Variants in SEC14L3 observed in about 807,000 individuals in gnomAD.
SEC14L3 encodes the protein SEC14-like protein 3.
In SEC14L3, 56 loss-of-function variants were observed where a neutral mutation model predicts 57.4. The ratio of observed to expected loss-of-function variants is 0.97; its 90% CI spans 0.79 to 1.22. The LOEUF is 1.22. SEC14L3 is among the 50% of genes most tolerant of loss of function. SEC14L3 has a pLI of 0.00. For synonymous variants in SEC14L3, 173 were observed against 194.4 expected (o/e 0.89, Z 0.92); for missense variants, 485 against 511.7 (o/e 0.95, Z 0.50).
At chr22:30,465,298 C>G (rs1047743190) in intron 7 of SEC14L3, among the ~76,000 whole-genome samples, 1 of 152,194 alleles carries the variant, frequency 6.6e-6, no homozygotes, top group African/African-American at 2.4e-5. Flanking sequence ...AATAGTCAAC[C>G]ATCTAACAAA....
At chr22:30,461,257 G>A (rs1313671183) in intron 11 of SEC14L3, 53 bp downstream of exon 11, 1 of 1,529,322 alleles carries the variant, frequency 6.5e-7, no homozygotes, top group Non-Finnish European at 8.8e-7. Flanking sequence ...TCTAAAGCAT[G>A]GGACAGGTGG....
chr22:30,462,006 T>C lies in SEC14L3; in HGVS notation c.771+80A>G. ...GTTCTTGGCATCTCTCTATAGGTAA[T>C]TGTGGATGAATGACTGAGTGGAAAG... On this transcript the variant is annotated intron_variant, in intron 9 of 11. Coordinates refer to ENST00000215812, the MANE Select transcript of SEC14L3 (RefSeq NM_174975.5). The C allele has an allele frequency of 3.6e-6, 5 of 1,406,852 alleles. No homozygotes were observed. In the South Asian group the frequency reaches 4.9e-5, roughly 14 times the overall value. The allele number at this position is 1,406,852 out of a possible 1,614,324, so 87.1% of individuals were successfully genotyped here.
At position 30,464,903 on chromosome 22, in the gene SEC14L3, G is replaced by C; in HGVS notation, c.581C>G (p.Ala194Gly). ...GTAGCCCACAGGGAACAGTTTGGTA[G>C]CTGGAGAGATAGAAGTAAGGATAAT... ...ETLKFMLIVK[A>G]TKLFPVGYNL... is the part of the protein sequence containing the mutation. Residue 194 changes from alanine to glycine, a missense_variant and splice_region_variant, in exon 8 of 12, where the codon GCT becomes GGT. Physicochemically the swap from Ala to Gly is moderately conservative, Grantham distance 60. Coordinates refer to ENST00000215812, the MANE Select transcript of SEC14L3 (RefSeq NM_174975.5). 6.2e-7 allele frequency: 1 copy of C among 1,613,740 alleles called. No individual in the cohort carries two copies. The highest frequency in any genetic ancestry group is 2.2e-5 in the East Asian group (1 of 44,888).
exon 13 of SEC14L3, chr22:30,449,133 C>T (rs1402541394): frequency 1.9e-6 from 3 of 1,550,494 alleles, no homozygotes; most frequent in Middle Eastern, 1.7e-4. Context: ...CTTGCATTTT[C>T]GTACCATTTG....
At chr22:30,460,824 G>C (rs1350269744) in intron 11 of SEC14L3, among the ~76,000 whole-genome samples, 3 of 88,738 alleles carry the variant, frequency 3.4e-5, no homozygotes, top group Admixed American at 1.4e-4. Context: ...GTGAAACTCT[G>C]TCTCAAAAAA....
chr22:30,470,460 C>A, intron 2 of SEC14L3, 47 bp downstream of exon 2: 1 of 1,612,550 alleles, frequency 6.2e-7, no homozygotes, highest in Non-Finnish European at 8.5e-7. Context: ...GAGACCAGGC[C>A]CCTCTTGATG....
downstream of SEC14L3, among the ~76,000 whole-genome samples, chr22:30,454,561 A>ATT (rs1300047433): frequency 1.6e-3 from 147 of 93,528 alleles, 11 homozygotes; most frequent in African/African-American, 5.9e-3. Context: ...AATCTATAAT[A>ATT]ATATTATATA....
At chr22:30,454,356 CAG>C (rs1488698174), downstream of SEC14L3, among the ~76,000 whole-genome samples, 1 of 151,746 alleles carries the variant, frequency 6.6e-6, no homozygotes, top group African/African-American at 2.4e-5. Flanking sequence ...ACTTGCGCAA[CAG>C]AGAGACTCTC....
downstream of SEC14L3, among the ~76,000 whole-genome samples, chr22:30,454,724 A>AATATATAATATATAATAATATTATT (rs1569225145): frequency 3.6e-4 from 28 of 78,802 alleles, 1 homozygote; most frequent in East Asian, 1.2e-3. Flanking sequence ...TATAATCTAT[A>AATATATAATATATAATAATATTATT]ATCTATAATA....
chr22:30,459,182 A>G, downstream of SEC14L3: 1 of 813,052 alleles, frequency 1.2e-6, no homozygotes, highest in Non-Finnish European at 1.5e-6. Context: ...TGCTAAACTC[A>G]CAAAGCTCTT....
At chr22:30,449,313 G>C in intron 12 of SEC14L3, 1 of 1,538,368 alleles carries the variant, frequency 6.5e-7, no homozygotes, top group Non-Finnish European at 8.8e-7. Context: ...AACTCCAGAG[G>C]GTCACCAATA....
At chr22:30,469,903 C>A in intron 4 of SEC14L3, 116 bp downstream of exon 4, 2 of 742,644 alleles carry the variant, frequency 2.7e-6, no homozygotes, top group Non-Finnish European at 4.6e-6. Context: ...GGAAAGGAGA[C>A]TGCAGGCCTG....
chr22:30,464,955 C>A (rs746530845), intron 7 of SEC14L3, 52 bp from the exon 8 acceptor site: 9 of 1,612,054 alleles, frequency 5.6e-6, no homozygotes, highest in Non-Finnish European at 7.6e-6. Context: ...CATTGGGCAA[C>A]CCCCTCCATA....
rs1220367437 is a variant in SEC14L3 at position 30,459,907 on chromosome 22, C to T, written c.*114G>A. The T allele has an allele frequency of 6.7e-7, 1 of 1,481,934 alleles. No homozygotes were observed. The highest frequency in any genetic ancestry group is 9.0e-7 in the Non-Finnish European group (1 of 1,112,066). 91.8% of individuals were successfully genotyped at this position (1,481,934 alleles called of 1,614,324 possible). A position where few individuals can be genotyped will look rare whatever the true frequency, so the allele number is the denominator to read the frequency against. On this transcript the variant is annotated 3_prime_UTR_variant, in exon 12 of 12. Transcript: ENST00000215812. ...TCCCCAGGGCATCTCTTTCTGTACT[C>T]ACTAACGTCACAGAGTCAGGAGGAC...
At chr22:30,467,865 G>A (rs191653008) in intron 5 of SEC14L3, among the ~76,000 whole-genome samples, 39 of 152,326 alleles carry the variant, frequency 2.6e-4, no homozygotes, top group African/African-American at 8.7e-4. Context: ...TTTCACTTTT[G>A]CAACCATTAT....
At chr22:30,455,744 G>C (rs886166558), downstream of SEC14L3, among the ~76,000 whole-genome samples, 4 of 152,322 alleles carry the variant, frequency 2.6e-5, 1 homozygote, top group East Asian at 5.8e-4. Flanking sequence ...AGGTCTACAC[G>C]GTTGGGAGCC....
At chr22:30,466,508 T>C in intron 6 of SEC14L3, 114 bp from the exon 7 acceptor site, 1 of 1,387,450 alleles carries the variant, frequency 7.2e-7, no homozygotes, top group Non-Finnish European at 1.0e-6. Context: ...TTTCCCTTCA[T>C]GCCATCACCT....
chr22:30,471,280 C>A (rs1935602588), intron 1 of SEC14L3: 1 of 452,890 alleles, frequency 2.2e-6, no homozygotes. Flanking sequence ...GACTCCATCT[C>A]AAAAAAAAGA....
At chr22:30,465,433 A>T (rs911060568) in intron 7 of SEC14L3, among the ~76,000 whole-genome samples, 8 of 151,612 alleles carry the variant, frequency 5.3e-5, no homozygotes, top group South Asian at 4.2e-4. Flanking sequence ...CAGTCATCCA[A>T]CCATCCAAAT....
Sources: gnomAD v4.1 joint callset for allele counts (sites outside exome capture counted in the v4.1 genomes callset) on GRCh38, gnomAD v4.1.1 for gene constraint, MANE v1.5 for transcripts, NCBI Gene and HGNC (gene_info 2026-07-23, HGNC 2026-07-21) for gene names.